CCDC7: variants seen among roughly 807,000 people sequenced by gnomAD.
The protein encoded by CCDC7 is coiled-coil domain containing 7, also known as coiled-coil domain-containing protein 7.
Under a neutral mutation model 196.9 loss-of-function variants are expected in CCDC7, and 183 were observed. That is an observed-to-expected ratio of 0.93 (90% CI 0.82 to 1.05). The LOEUF is 1.05. Among genes scored for constraint, CCDC7 ranks in the 50% least tolerant of loss-of-function variants. The pLI is 0.00. For synonymous variants in CCDC7, 525 were observed against 484.6 expected (o/e 1.08, Z -1.10); for missense variants, 1,540 against 1,482.2 (o/e 1.04, Z -0.64).
intron 31 of CCDC7, among the ~76,000 whole-genome samples, chr10:32,816,407 G>A (rs2088559940): frequency 6.6e-6 from 1 of 152,198 alleles, no homozygotes; most frequent in South Asian, 2.1e-4. Context: ...TCCACCTCTG[G>A]GGGCAGGGCA....
chr10:32,594,133 G>A (rs181446086), intron 18 of CCDC7, among the ~76,000 whole-genome samples: 1 of 152,180 alleles, frequency 6.6e-6, no homozygotes, highest in East Asian at 1.9e-4. Context: ...TATAAATTAC[G>A]TTGGGCAGTA....
rs552798182 is a variant in CCDC7, at chr10:32,726,696, C to T, written c.2570-38C>T. 43 of 1,165,288 alleles carry T rather than the reference C, an allele frequency of 3.7e-5. 1 individual carries two copies. The highest frequency in any genetic ancestry group is 3.5e-4 in the South Asian group (25 of 71,480). 72.2% of individuals were successfully genotyped at this position (1,165,288 alleles called of 1,614,324 possible). On this transcript the variant is annotated intron_variant, in intron 25 of 41. Coordinates refer to ENST00000639629, the Ensembl canonical transcript of CCDC7. ...ACAATAGATTTGTTTTTTCATTTAG[C>T]GGACTAAATGTATCTCTTTATGTGG...
At position 32,596,999 on chromosome 10, in the gene CCDC7, C is replaced by T. The variant is rs149226953; in HGVS notation, c.1801+12695C>T. On this transcript the variant is annotated intron_variant, in intron 18 of 41. Coordinates refer to ENST00000639629, the Ensembl canonical transcript of CCDC7. ...AACGTTGGTGAATTTGACAATTATG[C>T]GTCTTGGGGTTGCTCTTCTCAAGGA... Among the ~76,000 whole-genome samples the T allele has an allele frequency of 9.7e-3, 1,471 of 152,138 alleles. 8 individuals carry two copies. Among genetic ancestry groups the T allele is most frequent in the Non-Finnish European group, 0.011 (747 of 68,004 alleles).
At chr10:32,698,699 C>A (rs1281750652) in intron 24 of CCDC7, among the ~76,000 whole-genome samples, 1 of 152,124 alleles carries the variant, frequency 6.6e-6, no homozygotes, top group Non-Finnish European at 1.5e-5. Context: ...AAATATGGGA[C>A]TATGTGAAAA....
At chr10:32,808,574 A>G (rs1215051417) in intron 30 of CCDC7, among the ~76,000 whole-genome samples, 2 of 135,172 alleles carry the variant, frequency 1.5e-5, no homozygotes, top group Non-Finnish European at 3.4e-5. Flanking sequence ...TGCTGGCACC[A>G]TGGCCAGCAC....
At chr10:32,632,855 A>G (rs1245994735) in intron 18 of CCDC7, among the ~76,000 whole-genome samples, 2 of 152,190 alleles carry the variant, frequency 1.3e-5, no homozygotes, top group East Asian at 3.8e-4. Flanking sequence ...TTTATGGCCT[A>G]ACATATTGCA....
intron 11 of CCDC7, among the ~76,000 whole-genome samples, chr10:32,526,558 C>T (rs2048708449): frequency 6.6e-6 from 1 of 152,132 alleles, no homozygotes; most frequent in Non-Finnish European, 1.5e-5. Flanking sequence ...AGAGCCCAGG[C>T]CCACAGTGTA....
intron 9 of CCDC7, chr10:32,512,148 A>T (rs2046316651): frequency 1.1e-5 from 2 of 175,802 alleles, no homozygotes; most frequent in African/African-American, 4.8e-5. Flanking sequence ...TCAATTAGAT[A>T]TTGATTTGTT....
At chr10:32,624,622 A>T (rs531237457) in intron 18 of CCDC7, among the ~76,000 whole-genome samples, 3 of 152,122 alleles carry the variant, frequency 2.0e-5, no homozygotes. Context: ...CCATAGAGTC[A>T]TCTGGTTACC....
chr10:32,773,024 G>A (rs2079415538), intron 28 of CCDC7, among the ~76,000 whole-genome samples: 1 of 152,108 alleles, frequency 6.6e-6, no homozygotes, highest in South Asian at 2.1e-4. Flanking sequence ...GATCTCCAGG[G>A]TTTCTGCTGA....
intron 18 of CCDC7, among the ~76,000 whole-genome samples, chr10:32,586,982 T>A (rs546156746): frequency 6.6e-6 from 1 of 152,344 alleles, no homozygotes; most frequent in African/African-American, 2.4e-5. Flanking sequence ...ATATTCATTA[T>A]TATCTAAAGA....
At chr10:32,683,551 G>T (rs1367213151) in intron 21 of CCDC7, among the ~76,000 whole-genome samples, 1 of 152,204 alleles carries the variant, frequency 6.6e-6, no homozygotes, top group Non-Finnish European at 1.5e-5. Context: ...CATAGAATAT[G>T]TAAATTGCTT....
At chr10:32,700,395 T>C (rs1409272187) in intron 24 of CCDC7, among the ~76,000 whole-genome samples, 1 of 145,958 alleles carries the variant, frequency 6.9e-6, no homozygotes, top group Non-Finnish European at 1.5e-5. Flanking sequence ...GAGGGCTCTA[T>C]TGTGTTCCAT....
intron 13 of CCDC7, among the ~76,000 whole-genome samples, chr10:32,561,262 C>G (rs1589899815): frequency 1.3e-5 from 2 of 150,316 alleles, no homozygotes; most frequent in East Asian, 3.9e-4. Context: ...ATCAACGAGA[C>G]AAGCCAGGAA....
At chr10:32,579,081 C>T (rs1247471099) in intron 16 of CCDC7, among the ~76,000 whole-genome samples, 1 of 152,134 alleles carries the variant, frequency 6.6e-6, no homozygotes, top group Non-Finnish European at 1.5e-5. Context: ...CTAATCTTGG[C>T]ATATCTTGCC....
intron 18 of CCDC7, among the ~76,000 whole-genome samples, chr10:32,611,143 T>G (rs1389067610): frequency 6.6e-6 from 1 of 152,224 alleles, no homozygotes; most frequent in African/African-American, 2.4e-5. Context: ...TATCTCATTG[T>G]GGTTTTGATT....
At chr10:32,756,249 A>G (rs996104010) in intron 28 of CCDC7, among the ~76,000 whole-genome samples, 2 of 152,206 alleles carry the variant, frequency 1.3e-5, no homozygotes, top group African/African-American at 4.8e-5. Context: ...TTCAGGAAAT[A>G]CAGAGAACAC....
intron 25 of CCDC7, among the ~76,000 whole-genome samples, chr10:32,714,757 CA>C (rs1163636129): frequency 6.6e-6 from 1 of 152,156 alleles, no homozygotes; most frequent in Non-Finnish European, 1.5e-5. Context: ...GTTTTCCCCT[CA>C]CAGTGTAAAC....
At position 32,472,475 on chromosome 10, in the gene CCDC7, T is replaced by C. The variant is rs1209135061; in HGVS notation, c.678-6T>C. 1 of 1,574,462 alleles carries C rather than the reference T, an allele frequency of 6.4e-7. No homozygotes were observed. Among genetic ancestry groups the C allele is most frequent in the East Asian group, 2.3e-5 (1 of 43,690 alleles). On this transcript the variant is annotated splice_region_variant and splice_polypyrimidine_tract_variant and intron_variant, in intron 6 of 41. Coordinates refer to ENST00000639629, the Ensembl canonical transcript of CCDC7. ...AAAAAATATTTCATTTATCGAACTT[T>C]AACAGGGATAAAGAAAATCGACCAG...
Sources: allele counts gnomAD v4.1 joint callset (sites outside exome capture counted in the v4.1 genomes callset), GRCh38; gene constraint gnomAD v4.1.1; transcripts MANE v1.5; gene names NCBI Gene and HGNC (gene_info 2026-07-23, HGNC 2026-07-21).